Variants in CSMD1 observed in about 807,000 individuals in gnomAD.
CSMD1 encodes CUB and Sushi multiple domains 1, also known as CUB and sushi domain-containing protein 1.
A neutral mutation model predicts 417.5 loss-of-function variants in CSMD1; 213 were observed. The ratio of observed to expected loss-of-function variants is 0.51; its 90% confidence interval spans 0.46 to 0.57. The LOEUF is 0.57. Ranked by LOEUF, CSMD1 falls within the 20% of genes least tolerant of loss-of-function variation. The pLI is 0.00. For missense variants in CSMD1, 6,923 were observed against 4,529.7 expected (o/e 1.53, Z -15.17); for synonymous variants, 2,862 against 1,736.8 (o/e 1.65, Z -16.11).
At chr8:3,558,080 T>G (rs1052108589) in intron 10 of CSMD1, among the ~76,000 whole-genome samples, 1 of 149,328 alleles carries the variant, frequency 6.7e-6, no homozygotes, top group South Asian at 2.1e-4. Flanking sequence ...GCCTCAATAG[T>G]ACCCCGTGTC....
chr8:3,973,290 A>C (rs1402313487), intron 5 of CSMD1, among the ~76,000 whole-genome samples: 1 of 152,152 alleles, frequency 6.6e-6, no homozygotes, highest in African/African-American at 2.4e-5. Context: ...GGGTTCTCCC[A>C]CCTGCCGAGG....
intron 1 of CSMD1, among the ~76,000 whole-genome samples, chr8:4,966,742 T>C (rs1388641894): frequency 1.3e-5 from 2 of 152,204 alleles, no homozygotes; most frequent in Non-Finnish European, 2.9e-5. Context: ...GACTATAAAA[T>C]TGGATTTAAC....
chr8:3,120,135 T>A (rs1817112970), intron 41 of CSMD1, among the ~76,000 whole-genome samples: 1 of 152,302 alleles, frequency 6.6e-6, no homozygotes, highest in East Asian at 1.9e-4. Context: ...GACTTTTTTG[T>A]TTCTGTGTTC....
At chr8:4,373,182 G>A (rs888283648) in intron 3 of CSMD1, among the ~76,000 whole-genome samples, 3 of 152,168 alleles carry the variant, frequency 2.0e-5, no homozygotes, top group African/African-American at 4.8e-5. Flanking sequence ...GACCGGTGCT[G>A]CTCCAAACTG....
At chr8:3,703,423 T>C (rs986247283) in intron 7 of CSMD1, among the ~76,000 whole-genome samples, 1 of 128,692 alleles carries the variant, frequency 7.8e-6, no homozygotes, top group African/African-American at 3.0e-5. Context: ...AGCACAGAGA[T>C]TCCTTTCTCC....
chr8:3,790,036 T>C (rs1054303827), intron 5 of CSMD1, among the ~76,000 whole-genome samples: 3 of 152,172 alleles, frequency 2.0e-5, no homozygotes, highest in Non-Finnish European at 2.9e-5. Context: ...CGGCCGATCA[T>C]GGTTAATATT....
At chr8:3,588,650 A>C (rs1455587033) in intron 8 of CSMD1, among the ~76,000 whole-genome samples, 2 of 152,096 alleles carry the variant, frequency 1.3e-5, no homozygotes, top group African/African-American at 4.8e-5. Context: ...TCAGTAGCAA[A>C]TTGTATTCTG....
chr8:4,783,795 C>T (rs1393188486), intron 1 of CSMD1, among the ~76,000 whole-genome samples: 1 of 152,164 alleles, frequency 6.6e-6, no homozygotes, highest in East Asian at 1.9e-4. Flanking sequence ...ACTGTGGAGG[C>T]TTTGACACAA....
chr8:3,137,713 C>A (rs751192257), intron 41 of CSMD1, among the ~76,000 whole-genome samples: 1 of 152,136 alleles, frequency 6.6e-6, no homozygotes, highest in African/African-American at 2.4e-5. Context: ...AGTTGTTATT[C>A]TGTATCGCTC....
intron 10 of CSMD1, among the ~76,000 whole-genome samples, chr8:3,544,541 G>C (rs1020700161): frequency 6.6e-6 from 1 of 152,070 alleles, no homozygotes; most frequent in Non-Finnish European, 1.5e-5. Flanking sequence ...GACTCGCCCT[G>C]AATTGTTTCT....
intron 21 of CSMD1, among the ~76,000 whole-genome samples, chr8:3,351,226 G>C (rs1181980586): frequency 2.0e-5 from 3 of 152,128 alleles, no homozygotes; most frequent in Non-Finnish European, 4.4e-5. Context: ...TACAAAGGTA[G>C]GATTTCATTA....
At chr8:4,926,937 G>A (rs1034348443) in intron 1 of CSMD1, among the ~76,000 whole-genome samples, 6 of 151,652 alleles carry the variant, frequency 4.0e-5, no homozygotes, top group Admixed American at 2.0e-4. Context: ...CATTTACTTG[G>A]ACCCAAGTTT....
chr8:4,487,011 G>A (rs1801448827), intron 2 of CSMD1, among the ~76,000 whole-genome samples: 1 of 152,130 alleles, frequency 6.6e-6, no homozygotes, highest in African/African-American at 2.4e-5. Context: ...GAGGTGCTGA[G>A]GCTAAACAAA....
At chr8:3,224,548 C>T (rs769923950) in intron 27 of CSMD1, among the ~76,000 whole-genome samples, 2 of 152,132 alleles carry the variant, frequency 1.3e-5, no homozygotes, top group African/African-American at 4.8e-5. Flanking sequence ...TAAGTGAGCT[C>T]TAAGTATACA....
intron 26 of CSMD1, among the ~76,000 whole-genome samples, chr8:3,241,431 A>G (rs150090226): frequency 0.017 from 2,602 of 152,238 alleles, 53 homozygotes; most frequent in African/African-American, 0.051. Flanking sequence ...AAAGCTCGGC[A>G]TCTGTGTTGG....
chr8:4,148,827 T>C (rs992662580), intron 3 of CSMD1, among the ~76,000 whole-genome samples: 1 of 152,214 alleles, frequency 6.6e-6, no homozygotes, highest in Non-Finnish European at 1.5e-5. Context: ...CAGTCCCTCA[T>C]GCTGCCTTTG....
At chr8:4,138,881 A>G (rs1341016302) in intron 3 of CSMD1, among the ~76,000 whole-genome samples, 1 of 152,154 alleles carries the variant, frequency 6.6e-6, no homozygotes, top group Non-Finnish European at 1.5e-5. Flanking sequence ...AGGAAGGTTA[A>G]TTTATATTTA....
intron 25 of CSMD1, among the ~76,000 whole-genome samples, chr8:3,294,844 C>A (rs1257002476): frequency 6.6e-6 from 1 of 152,046 alleles, no homozygotes; most frequent in Non-Finnish European, 1.5e-5. Context: ...CACCCACTTT[C>A]CGACACTCCC....
chr8:4,236,730 C>A (rs111460862), intron 3 of CSMD1, among the ~76,000 whole-genome samples: 3 of 152,122 alleles, frequency 2.0e-5, no homozygotes, highest in Admixed American at 6.5e-5. Context: ...ACTGTGCCTT[C>A]GAAGACTGCT....
Sources: gnomAD v4.1 joint callset for allele counts (sites outside exome capture counted in the v4.1 genomes callset) on GRCh38, gnomAD v4.1.1 for gene constraint, MANE v1.5 for transcripts, NCBI Gene and HGNC (gene_info 2026-07-23, HGNC 2026-07-21) for gene names.